Variants in NOX4 observed in about 807,000 individuals in gnomAD.
NOX4 encodes kidney oxidase-1.
A neutral mutation model predicts 87.6 loss-of-function variants in NOX4; 69 were observed. That is an observed-to-expected ratio of 0.79 (90% CI 0.65 to 0.96). The LOEUF is 0.96. Ranked by LOEUF, NOX4 falls within the 40% of genes least tolerant of loss-of-function variation. NOX4 has a pLI of 0.00. For missense variants in NOX4, 680 were observed against 681.5 expected, an observed-to-expected ratio of 1.00 and a Z score of 0.02; for synonymous variants, 275 against 238.2, an observed-to-expected ratio of 1.15 and a Z score of -1.42.
chr11:89,566,208 A>G, the NOX4 span, among the ~76,000 whole-genome samples: 3 of 151,808 alleles, frequency 2.0e-5, no homozygotes, highest in Non-Finnish European at 4.4e-5. Context: ...ACGCCCAGCT[A>G]ATTTTCTGTA....
At chr11:89,567,069 CT>C in the NOX4 span, among the ~76,000 whole-genome samples, 75 of 152,238 alleles carry the variant, frequency 4.9e-4, no homozygotes, top group South Asian at 1.9e-3. Flanking sequence ...TGGCTTTGGC[CT>C]TTGTTGACTA....
At chr11:89,565,666 T>C in the NOX4 span, among the ~76,000 whole-genome samples, 1 of 152,074 alleles carries the variant, frequency 6.6e-6, no homozygotes, top group Non-Finnish European at 1.5e-5. Context: ...GCATGGCACA[T>C]GTATACATAT....
chr11:89,335,289 T>A (rs948129047), intron 17 of NOX4, among the ~76,000 whole-genome samples: 7 of 151,792 alleles, frequency 4.6e-5, no homozygotes, highest in African/African-American at 1.7e-4. Flanking sequence ...TTTCTTCAGA[T>A]CATAGACACG....
Position 89,326,770 on chromosome 11 carries a change from C to G in NOX4, c.1723G>C (p.Glu575Gln). ...SYGTRFEYNKESFS is the reference protein window; with the variant it reads ...SYGTRFEYNKQSFS Reference sequence around the variant, plus strand: ...GGCAAAAGTTTTCAGCTGAAAGACTCTTTATTGTATTCAAATCTTGTCCCA... The same window carrying G: ...GGCAAAAGTTTTCAGCTGAAAGACTGTTTATTGTATTCAAATCTTGTCCCA... The change falls in exon 18 of 18, where the codon GAG (glutamate) becomes CAG (glutamine). Residue 575 changes from glutamate to glutamine, a missense_variant. Physicochemically the swap from Glu to Gln is conservative, Grantham distance 29. Transcript: ENST00000263317. 1.2e-6 allele frequency: 2 copies of G among 1,613,110 alleles called. No individual in the cohort carries two copies. Among genetic ancestry groups the G allele is most frequent in the Non-Finnish European group, 1.7e-6 (2 of 1,179,446 alleles).
intron 2 of NOX4, among the ~76,000 whole-genome samples, chr11:89,470,494 T>C (rs1001912537): frequency 2.0e-5 from 3 of 152,118 alleles, no homozygotes; most frequent in African/African-American, 7.2e-5. Flanking sequence ...AAAAAGAGAA[T>C]ACCAAAAGTG....
At chr11:89,327,936 A>C (rs1271207392) in intron 17 of NOX4, among the ~76,000 whole-genome samples, 2 of 152,192 alleles carry the variant, frequency 1.3e-5, no homozygotes, top group Non-Finnish European at 2.9e-5. Context: ...CGGACACTGA[A>C]TAATAGGTAG....
At chr11:89,432,693 G>A (rs1773427929) in intron 7 of NOX4, 91 bp downstream of exon 7, 1 of 860,562 alleles carries the variant, frequency 1.2e-6, no homozygotes, top group South Asian at 1.4e-5. Context: ...CATTAACCAG[G>A]ACACTACAAT....
At chr11:89,493,531 A>G (rs948451543), upstream of NOX4, among the ~76,000 whole-genome samples, 16 of 152,108 alleles carry the variant, frequency 1.1e-4, no homozygotes, top group Non-Finnish European at 1.5e-4. Flanking sequence ...TGGAATGCTT[A>G]TATAAATGTT....
chr11:89,533,025 G>A, the NOX4 span, among the ~76,000 whole-genome samples: 4 of 152,052 alleles, frequency 2.6e-5, no homozygotes, highest in African/African-American at 4.8e-5. Context: ...ATGAATTACC[G>A]AGTCTCAGGT....
chr11:89,329,644 A>G (rs1400908165), intron 17 of NOX4, among the ~76,000 whole-genome samples: 1 of 152,050 alleles, frequency 6.6e-6, no homozygotes, highest in Non-Finnish European at 1.5e-5. Context: ...AACAGAAAAT[A>G]TAAGAATGAA....
chr11:89,441,331 G>T (rs1591263751), intron 5 of NOX4, among the ~76,000 whole-genome samples: 1 of 152,038 alleles, frequency 6.6e-6, no homozygotes, highest in East Asian at 1.9e-4. Flanking sequence ...ATGCTCTAAT[G>T]GTTATAGTCA....
rs1373919821 is a variant in NOX4, at chr11:89,330,696, C to G, written c.1617-3820G>C. Among the ~76,000 whole-genome samples, 4 of 148,118 alleles carry G rather than the reference C, an allele frequency of 2.7e-5. No individual in the cohort carries two copies. In the South Asian group the frequency reaches 6.4e-4, roughly 24 times the overall value. On this transcript the variant is annotated intron_variant, in intron 17 of 17. Transcript: ENST00000263317. ...AAAAGTGGAATTATAAAAAAAAATT[C>G]AACCCAAATCAAGGTAAAAAAAGAA... is the stretch of plus-strand genomic sequence containing the variant.
At chr11:89,434,133 C>T (rs1943962524) in intron 6 of NOX4, among the ~76,000 whole-genome samples, 1 of 151,988 alleles carries the variant, frequency 6.6e-6, no homozygotes, top group Non-Finnish European at 1.5e-5. Flanking sequence ...GACTATGAGC[C>T]ACCAGCAGAA....
At chr11:89,469,000 T>G (rs983425219) in intron 2 of NOX4, among the ~76,000 whole-genome samples, 5 of 152,112 alleles carry the variant, frequency 3.3e-5, no homozygotes, top group African/African-American at 1.2e-4. Context: ...AAAGTGCTAG[T>G]ATTACAGGAG....
chr11:89,454,633 AT>A lies in NOX4; in HGVS notation c.154-2739del, dbSNP rs540109121. On this transcript the variant is annotated intron_variant, in intron 2 of 17. Transcript: ENST00000263317. ...TTACTGGCCAAATGTAGCTTTAAAA[AT>A]AGCATTTTTATATTAAAAATACAAA... Among the ~76,000 whole-genome samples, 5 of 152,292 alleles carry A rather than the reference AT, an allele frequency of 3.3e-5. No homozygotes were observed. The East Asian group carries it at 9.6e-4, about 29-fold the overall frequency.
intron 8 of NOX4, among the ~76,000 whole-genome samples, chr11:89,407,973 AT>A (rs1942277485): frequency 7.9e-6 from 1 of 126,018 alleles, no homozygotes; most frequent in Non-Finnish European, 1.6e-5. Flanking sequence ...TTTTCCTAAT[AT>A]TTTATAATAT....
At chr11:89,357,945 C>T (rs535844461) in intron 12 of NOX4, among the ~76,000 whole-genome samples, 12 of 151,912 alleles carry the variant, frequency 7.9e-5, no homozygotes, top group Non-Finnish European at 1.6e-4. Flanking sequence ...CACACACATA[C>T]AGCAAAAGCA....
intron 11 of NOX4, among the ~76,000 whole-genome samples, chr11:89,389,741 A>T (rs1231832378): frequency 6.6e-6 from 1 of 151,976 alleles, no homozygotes; most frequent in Non-Finnish European, 1.5e-5. Flanking sequence ...TCAGCATGGA[A>T]GGATAGTGTG....
chr11:89,535,640 C>T, the NOX4 span, among the ~76,000 whole-genome samples: 2 of 152,014 alleles, frequency 1.3e-5, no homozygotes, highest in Admixed American at 1.3e-4. Flanking sequence ...TCCTCTGTGT[C>T]TCTCATCTTC....
Sources: allele counts gnomAD v4.1 joint callset (sites outside exome capture counted in the v4.1 genomes callset), GRCh38; gene constraint gnomAD v4.1.1; transcripts MANE v1.5; gene names NCBI Gene and HGNC (gene_info 2026-07-23, HGNC 2026-07-21).